Variants in GALNT14 observed in about 807,000 individuals in gnomAD.
The protein encoded by GALNT14 is UDP-GalNAc:polypeptide N-acetylgalactosaminyltransferase 14.
A neutral mutation model predicts 77.5 loss-of-function variants in GALNT14; 60 were observed. That is an observed-to-expected ratio of 0.77 (90% confidence interval 0.63 to 0.96). The LOEUF (loss-of-function observed/expected upper bound fraction) is 0.96, where lower values mean the gene tolerates loss of function less well. Among genes scored for constraint, GALNT14 ranks in the 40% least tolerant of loss-of-function variants. The pLI, the probability that GALNT14 is intolerant of heterozygous loss-of-function variation, is 0.00. For synonymous variants in GALNT14, 280 were observed against 281.7 expected, an observed-to-expected ratio of 0.99 and a Z score of 0.06; for missense variants, 710 against 731.0, an observed-to-expected ratio of 0.97 and a Z score of 0.33.
At chr2:31,059,699 T>C (rs1674467261) in intron 1 of GALNT14, among the ~76,000 whole-genome samples, 1 of 152,108 alleles carries the variant, frequency 6.6e-6, no homozygotes, top group Non-Finnish European at 1.5e-5. Flanking sequence ...AGCAAGACAC[T>C]GTATTTAAAA....
In GALNT14 at chr2:31,137,958, C is replaced by A. The variant is rs764101684; in HGVS notation, c.129G>T (p.Lys43Asn). ...VPTGPEVQTP[K>N]PSDADWDDLW... ...GCCAGCGCGCCGGCAAGCCGCCTACCTTAGGGGTCTGCACTTCAGGTCCCG... is the reference window on the plus strand; with the variant it reads ...GCCAGCGCGCCGGCAAGCCGCCTACATTAGGGGTCTGCACTTCAGGTCCCG... The change falls in exon 1 of 15, where the codon AAG becomes AAT. Residue 43 changes from lysine (K) to asparagine (N), a missense_variant and splice_region_variant. Physicochemically the swap from Lys to Asn is moderately conservative, Grantham distance 94 (BLOSUM62 0). Coordinates refer to ENST00000349752, the MANE Select transcript of GALNT14 (RefSeq NM_024572.4). The A allele has an allele frequency of 1.1e-5, 17 of 1,611,966 alleles. No individual in the cohort carries two copies. The highest frequency in any genetic ancestry group is 1.4e-5 in the Non-Finnish European group (17 of 1,179,038).
chr2:31,125,074 C>T (rs1439086894), intron 1 of GALNT14: 5 of 1,005,740 alleles, frequency 5.0e-6, no homozygotes, highest in Non-Finnish European at 7.6e-6. Context: ...GGCAGATCAT[C>T]CTACCCACAG....
In GALNT14 at chr2:31,036,603, A is replaced by C. The variant is rs1672750356; in HGVS notation, c.130-43596T>G. 2.0e-5 allele frequency among the ~76,000 whole-genome samples: 3 copies of C among 152,210 alleles called. No homozygotes were observed. In the South Asian group the frequency reaches 6.2e-4, roughly 32 times the overall value. On this transcript the variant is annotated intron_variant, in intron 1 of 14. Coordinates refer to ENST00000349752, the MANE Select transcript of GALNT14 (RefSeq NM_024572.4). ...TGTAGTTACCTTTACTACTGTTCTT[A>C]TTTCTTCATGTGGATTTGAGTTACT...
chr2:31,084,896 G>C (rs918736010), intron 1 of GALNT14, among the ~76,000 whole-genome samples: 1 of 152,082 alleles, frequency 6.6e-6, no homozygotes, highest in Admixed American at 6.6e-5. Flanking sequence ...ATGGTGGCAT[G>C]CACCTGTAAT....
chr2:31,017,086 C>T (rs939281937), intron 1 of GALNT14, among the ~76,000 whole-genome samples: 4 of 152,230 alleles, frequency 2.6e-5, no homozygotes, highest in African/African-American at 7.2e-5. Flanking sequence ...AATTTGGACC[C>T]CAGTCTGTCT....
chr2:31,027,609 C>G lies in GALNT14; in HGVS notation c.130-34602G>C, dbSNP rs554787352. Among the ~76,000 whole-genome samples the G allele has an allele frequency of 3.3e-5, 5 of 152,078 alleles. No homozygotes were observed. The East Asian group carries it at 5.8e-4, about 18-fold the overall frequency. On this transcript the variant is annotated intron_variant, in intron 1 of 14. Coordinates refer to ENST00000349752, the MANE Select transcript of GALNT14 (RefSeq NM_024572.4). ...GGCAACTTTAGGAAGAAACCTGGTA[C>G]GTGGAGGCCAGGGGAGTGATATTAG... is the stretch of plus-strand genomic sequence containing the variant.
intron 13 of GALNT14, among the ~76,000 whole-genome samples, chr2:30,918,772 G>C (rs1340575147): frequency 6.8e-6 from 1 of 146,526 alleles, no homozygotes; most frequent in African/African-American, 2.5e-5. Flanking sequence ...AGGGAGGGTG[G>C]CATCGGGCAG....
chr2:31,080,033 C>T (rs1281416796), intron 1 of GALNT14, among the ~76,000 whole-genome samples: 1 of 152,170 alleles, frequency 6.6e-6, no homozygotes, highest in Non-Finnish European at 1.5e-5. Flanking sequence ...ATGAGGATGC[C>T]CACTCAAAGG....
rs1292160599 is a variant in GALNT14, at chr2:30,910,868, C to A, written c.*33G>T. The A allele has an allele frequency of 1.9e-6, 3 of 1,608,832 alleles. No homozygotes were observed. Among genetic ancestry groups the A allele is most frequent in the Non-Finnish European group, 2.5e-6 (3 of 1,177,442 alleles). On this transcript the variant is annotated 3_prime_UTR_variant, in exon 15 of 15. Transcript: ENST00000349752. ...TCTGTTCTGGTCCAGGGAAGCACCA[C>A]CCCATGGCCCTTGCTGCTTCTGGCA... is the stretch of plus-strand genomic sequence containing the variant.
At chr2:30,953,829 C>T (rs934027484) in intron 6 of GALNT14, among the ~76,000 whole-genome samples, 2 of 152,176 alleles carry the variant, frequency 1.3e-5, no homozygotes, top group African/African-American at 2.4e-5. Context: ...ATTCATTTAC[C>T]GGTAGGAAGC....
chr2:30,947,262 A>T (rs1666753763), intron 6 of GALNT14, among the ~76,000 whole-genome samples: 1 of 152,144 alleles, frequency 6.6e-6, no homozygotes. Flanking sequence ...AGCTGCTAAA[A>T]ACTTTAACTG....
intron 6 of GALNT14, among the ~76,000 whole-genome samples, chr2:30,954,774 GCGT>G (rs1282024296): frequency 6.6e-6 from 1 of 152,218 alleles, no homozygotes; most frequent in Non-Finnish European, 1.5e-5. Flanking sequence ...GGTAACGCCA[GCGT>G]TCTGGTGCTG....
rs137859108 is a variant in GALNT14 at position 31,029,163 on chromosome 2, G to A, written c.130-36156C>T. Among the ~76,000 whole-genome samples the A allele has an allele frequency of 3.3e-4, 51 of 152,290 alleles. 1 individual carries two copies. In the East Asian group the frequency reaches 9.3e-3, roughly 28 times the overall value. The stretch of plus-strand genomic sequence containing the variant: ...TTCTGTTCTACAATTCATTAGTGGG[G>A]TGACCGTGAGCAAGTCATTCGCGGG... On this transcript the variant is annotated intron_variant, in intron 1 of 14. Coordinates refer to ENST00000349752, the MANE Select transcript of GALNT14 (RefSeq NM_024572.4).
At chr2:31,015,640 A>G (rs1671305317) in intron 1 of GALNT14, among the ~76,000 whole-genome samples, 1 of 152,210 alleles carries the variant, frequency 6.6e-6, no homozygotes, top group Non-Finnish European at 1.5e-5. Context: ...GTAATAAAAC[A>G]TATCAATATC....
chr2:30,923,995 C>T, intron 13 of GALNT14, 124 bp downstream of exon 13: 1 of 1,095,644 alleles, frequency 9.1e-7, no homozygotes. Flanking sequence ...TCATGCTCCA[C>T]TACCGATCTC....
At chr2:31,125,219 C>T (rs1470493713) in intron 1 of GALNT14, 2 of 1,550,566 alleles carry the variant, frequency 1.3e-6, no homozygotes, top group East Asian at 4.9e-5. Flanking sequence ...CGCCCAAGGG[C>T]TCATCCCAGC....
At chr2:30,912,692 G>C (rs1664440656) in intron 13 of GALNT14, among the ~76,000 whole-genome samples, 1 of 152,112 alleles carries the variant, frequency 6.6e-6, no homozygotes, top group Non-Finnish European at 1.5e-5. Flanking sequence ...TCTCGAGGGG[G>C]TCTGTTCCCA....
chr2:31,070,031 C>T (rs1675251506), intron 1 of GALNT14, among the ~76,000 whole-genome samples: 2 of 152,054 alleles, frequency 1.3e-5, no homozygotes, highest in South Asian at 4.2e-4. Context: ...GTCCGCTTAC[C>T]CCCACCCTCC....
chr2:30,977,866 C>G (rs571032091), intron 2 of GALNT14, among the ~76,000 whole-genome samples: 6 of 152,118 alleles, frequency 3.9e-5, no homozygotes, highest in African/African-American at 1.4e-4. Flanking sequence ...TTTATATCAC[C>G]AAGCCTGATC....
Sources: allele counts gnomAD v4.1 joint callset (sites outside exome capture counted in the v4.1 genomes callset), GRCh38; gene constraint gnomAD v4.1.1; transcripts MANE v1.5; gene names NCBI Gene and HGNC (gene_info 2026-07-23, HGNC 2026-07-21).